PRDX4: variants seen among roughly 807,000 people sequenced by gnomAD.
The protein encoded by PRDX4 is peroxiredoxin-4.
PRDX4 carries 12 observed loss-of-function variants against 20.5 expected under a neutral mutation model. The ratio of observed to expected loss-of-function variants is 0.58; its 90% confidence interval spans 0.37 to 0.95. The LOEUF (loss-of-function observed/expected upper bound fraction) is 0.95. Among genes scored for constraint, PRDX4 ranks in the 40% least tolerant of loss-of-function variants. The pLI, the probability that PRDX4 is intolerant of heterozygous loss-of-function variation, is 0.01. For missense variants in PRDX4, 180 were observed against 207.3 expected, an observed-to-expected ratio of 0.87 and a Z score of 0.81; for synonymous variants, 99 against 87.5, an observed-to-expected ratio of 1.13 and a Z score of -0.73.
At chrX:23,677,858 C>T (rs960169121) in intron 3 of PRDX4, among the ~76,000 whole-genome samples, 1 of 111,791 alleles carries the variant, frequency 8.9e-6, no homozygotes, top group African/African-American at 3.2e-5. Context: ...AAGTAAAATA[C>T]AGTAAAGATG....
At chrX:23,675,134 A>T in intron 3 of PRDX4, 28 bp downstream of exon 3, 1 of 1,209,977 alleles carries the variant, frequency 8.3e-7, no homozygotes, top group Non-Finnish European at 1.1e-6. Context: ...ATATTCGTAG[A>T]AAAAAAAGAA....
chrX:23,670,146 C>A (rs1185103088), intron 1 of PRDX4, among the ~76,000 whole-genome samples: 1 of 110,796 alleles, frequency 9.0e-6, no homozygotes, highest in African/African-American at 3.3e-5. Flanking sequence ...ATTTATAGAT[C>A]TTAGCAAAGT....
At chrX:23,671,992 G>C (rs765845905) in intron 2 of PRDX4, among the ~76,000 whole-genome samples, 2 of 112,406 alleles carry the variant, frequency 1.8e-5, no homozygotes, top group South Asian at 7.3e-4. Context: ...CTCTTGATTA[G>C]AAAATTAATT....
intron 1 of PRDX4, among the ~76,000 whole-genome samples, chrX:23,669,715 G>A (rs1449228587): frequency 9.1e-6 from 1 of 110,346 alleles, no homozygotes; most frequent in South Asian, 3.9e-4. Flanking sequence ...TCGGGAGTTC[G>A]AGACCAGACT....
chrX:23,681,513 TTCATTGTATTGTA>T (rs1188848104), intron 4 of PRDX4, among the ~76,000 whole-genome samples: 7 of 112,194 alleles, frequency 6.2e-5, no homozygotes, highest in Admixed American at 9.5e-5. Context: ...GTTCTCAAGG[TTCATTGTATTGTA>T]TCATGTATTG....
rs568865999 is a variant in PRDX4, at chrX:23,682,825, C to CAAAAAAA, written c.730+322_730+328dup. Among the ~76,000 whole-genome samples, 4 of 9,584 alleles carry CAAAAAAA rather than the reference C, an allele frequency of 4.2e-4. 1 individual carries two copies. Among genetic ancestry groups the CAAAAAAA allele is most frequent in the African/African-American group, 9.7e-4 (2 of 2,072 alleles). The allele number at this position is 9,584 out of a possible 115,157, so 8.3% of individuals were successfully genotyped here. On this transcript the variant is annotated intron_variant, in intron 5 of 6. Transcript: ENST00000379341. Reference sequence around the variant, plus strand: ...GTGAAACCTCACCTCTACTAAAAATCAAAAAAAAAAAAAAAAAAAAAAAAA... The same window carrying CAAAAAAA: ...GTGAAACCTCACCTCTACTAAAAATCAAAAAAAAAAAAAAAAAAAAAAAAAAAAAAAA...
At chrX:23,672,078 T>A (rs1207741114) in intron 2 of PRDX4, among the ~76,000 whole-genome samples, 2 of 111,447 alleles carry the variant, frequency 1.8e-5, no homozygotes, top group East Asian at 5.6e-4. Context: ...CTGGCCAACA[T>A]GGTAAAACCC....
intron 1 of PRDX4, 109 bp from the exon 2 acceptor site, chrX:23,671,420 A>G (rs1414071122): frequency 3.4e-6 from 2 of 580,238 alleles, no homozygotes; most frequent in Non-Finnish European, 5.5e-6. Context: ...CCAGACTGCC[A>G]AAGAGATCTA....
intron 1 of PRDX4, 105 bp downstream of exon 1, chrX:23,667,916 C>T: frequency 9.0e-7 from 1 of 1,109,688 alleles, no homozygotes; most frequent in Admixed American, 2.7e-5. Flanking sequence ...TGGGCTGCCT[C>T]CGGGCCCTGG....
intron 4 of PRDX4, among the ~76,000 whole-genome samples, chrX:23,680,715 A>G (rs1342501788): frequency 3.7e-5 from 4 of 107,696 alleles, no homozygotes; most frequent in African/African-American, 1.4e-4. Flanking sequence ...ACATAACAAG[A>G]CCCTTGTCTT....
At chrX:23,678,356 G>A (rs1344403667) in intron 3 of PRDX4, among the ~76,000 whole-genome samples, 5 of 108,436 alleles carry the variant, frequency 4.6e-5, no homozygotes, top group Admixed American at 2.0e-4. Context: ...TAGGCCAGGC[G>A]CGGTGGCTCA....
At chrX:23,684,473 G>A (rs900593271) in intron 6 of PRDX4, among the ~76,000 whole-genome samples, 6 of 111,082 alleles carry the variant, frequency 5.4e-5, no homozygotes, top group African/African-American at 9.8e-5. Flanking sequence ...ATTGAAACAC[G>A]TATATTCTTT....
intron 5 of PRDX4, among the ~76,000 whole-genome samples, chrX:23,682,853 A>AAAAAAAATAT (rs1555933130): frequency 6.7e-4 from 10 of 14,878 alleles, no homozygotes; most frequent in Admixed American, 1.2e-3. Flanking sequence ...AAAAAAAAAA[A>AAAAAAAATAT]ATATATATAT....
At chrX:23,684,261 GA>G (rs767845725) in intron 6 of PRDX4, among the ~76,000 whole-genome samples, 1 of 104,908 alleles carries the variant, frequency 9.5e-6, no homozygotes, top group East Asian at 3.0e-4. Flanking sequence ...TACACCGTTC[GA>G]AAAAAAAAAG....
At chrX:23,682,049 T>A (rs1928079086) in intron 4 of PRDX4, among the ~76,000 whole-genome samples, 1 of 112,197 alleles carries the variant, frequency 8.9e-6, no homozygotes, top group Admixed American at 9.5e-5. Flanking sequence ...TGAAAACAAA[T>A]AAAAAATTTA....
intron 1 of PRDX4, among the ~76,000 whole-genome samples, chrX:23,670,752 A>C (rs971283815): frequency 1.8e-5 from 2 of 111,855 alleles, no homozygotes; most frequent in Non-Finnish European, 3.8e-5. Context: ...TCTTCTTTCA[A>C]AGCCCTCTAG....
rs774334063 is a variant in PRDX4, at chrX:23,671,541, C to T, written c.254C>T (p.Ala85Val). 6.7e-6 allele frequency: 8 copies of T among 1,201,142 alleles called. No homozygotes were observed. The Admixed American group carries it at 9.1e-5, about 14-fold the overall frequency. ...TTTATTTTCTTAGTTTCCAAGCCAG[C>T]GCCCTACTGGGAAGGAACAGCTGTG... ...HLSKAKISKP[A>V]PYWEGTAVID... The change falls in exon 2 of 7, where the codon GCG (alanine) becomes GTG (valine). Residue 85 changes from alanine (A) to valine (V), a missense_variant. This residue lies in a region of PRDX4 where 105 missense variants were observed against 114.2 expected (regional missense o/e 0.92). Transcript: ENST00000379341.
At chrX:23,684,423 T>G (rs909513934) in intron 6 of PRDX4, among the ~76,000 whole-genome samples, 2 of 111,727 alleles carry the variant, frequency 1.8e-5, no homozygotes, top group African/African-American at 3.2e-5. Context: ...CAATTAATAC[T>G]GAAGATAATG....
intron 1 of PRDX4, among the ~76,000 whole-genome samples, chrX:23,669,691 C>A (rs1927807009): frequency 9.0e-6 from 1 of 111,066 alleles, no homozygotes; most frequent in South Asian, 3.8e-4. Flanking sequence ...CCGAGGCCAT[C>A]CGATCACCTG....
Sources: gnomAD v4.1 joint callset for allele counts (sites outside exome capture counted in the v4.1 genomes callset) on GRCh38, gnomAD v4.1.1 for gene constraint, gnomAD v4.1.1 regional missense constraint, MANE v1.5 for transcripts, NCBI Gene and HGNC (gene_info 2026-07-23, HGNC 2026-07-21) for gene names.